The following TUBGCP2 variants were observed in gnomAD, a reference collection of about 807,000 sequenced individuals.
TUBGCP2 encodes gamma-tubulin complex component 2.
A neutral mutation model predicts 92.2 loss-of-function variants in TUBGCP2; 55 were observed. That is an observed-to-expected ratio of 0.60 (90% CI 0.48 to 0.75). TUBGCP2 has a LOEUF of 0.75. Among genes scored for constraint, TUBGCP2 ranks in the 30% least tolerant of loss-of-function variants. TUBGCP2 has a pLI of 0.00. For missense variants in TUBGCP2, 1,093 were observed against 1,188.9 expected, an observed-to-expected ratio of 0.92 and a Z score of 1.19; for synonymous variants, 533 against 505.2, an observed-to-expected ratio of 1.06 and a Z score of -0.74.
chr10:133,291,262 G>A lies in TUBGCP2; in HGVS notation c.1214+1237C>T, dbSNP rs930756579. Among the ~76,000 whole-genome samples, 20 of 56,270 alleles carry A rather than the reference G, an allele frequency of 3.6e-4. 1 individual carries two copies. In the South Asian group the frequency reaches 4.4e-3, roughly 12 times the overall value. The allele number at this position is 56,270 out of a possible 152,430, so 36.9% of individuals were successfully genotyped here. On this transcript the variant is annotated intron_variant, in intron 8 of 17. Transcript: ENST00000252936. ...CCCTCCGTGTCCCCCATGTCCCTCC[G>A]TGTCCCCCATGTCCCTCCGTGTCCC...
intron 1 of TUBGCP2, 88 bp from the exon 2 acceptor site, chr10:133,303,068 G>T: frequency 1.6e-6 from 2 of 1,269,324 alleles, no homozygotes; most frequent in Non-Finnish European, 2.2e-6. Flanking sequence ...CCAATGTCAG[G>T]CTTTGACAAA....
chr10:133,301,261 T>C (rs1048633915), intron 2 of TUBGCP2, among the ~76,000 whole-genome samples: 1 of 152,168 alleles, frequency 6.6e-6, no homozygotes, highest in African/African-American at 2.4e-5. Context: ...CCTGAGTAGC[T>C]GCATTACTGG....
chr10:133,280,914 C>G (rs1846953821), intron 17 of TUBGCP2, among the ~76,000 whole-genome samples: 1 of 150,468 alleles, frequency 6.6e-6, no homozygotes, highest in Non-Finnish European at 1.5e-5. Context: ...AGGCGCTGGG[C>G]TGAGCTGGGG....
At chr10:133,280,151 G>C (rs1846930811) in intron 17 of TUBGCP2, among the ~76,000 whole-genome samples, 1 of 152,206 alleles carries the variant, frequency 6.6e-6, no homozygotes, top group Non-Finnish European at 1.5e-5. Flanking sequence ...CAGGGGTGAG[G>C]GTGAGGCACG....
intron 2 of TUBGCP2, chr10:133,301,679 A>G (rs1261557992): frequency 2.0e-5 from 3 of 146,632 alleles, no homozygotes; most frequent in African/African-American, 5.1e-5. Context: ...GCATTTCAAC[A>G]TGGTTAATAC....
chr10:133,284,067 A>C (rs896963153), intron 13 of TUBGCP2, 65 bp from the exon 14 acceptor site: 13 of 1,585,312 alleles, frequency 8.2e-6, no homozygotes, highest in African/African-American at 1.3e-5. Flanking sequence ...CCACCAAGTG[A>C]CACGGAGGAC....
In TUBGCP2 at chr10:133,279,053, C is replaced by G. The variant is rs976168705; in HGVS notation, c.*713G>C. On this transcript the variant is annotated 3_prime_UTR_variant, in exon 18 of 18. Coordinates refer to ENST00000252936, the MANE Select transcript of TUBGCP2 (RefSeq NM_006659.4). ...GTGGGAAGACAGGGCAGATGATCGC[C>G]CGAGGGGGATTGGGTGTCAGTCTGC... 1 of 152,322 alleles carries G rather than the reference C, an allele frequency of 6.6e-6. No individual in the cohort carries two copies. Among genetic ancestry groups the G allele is most frequent in the Admixed American group, 6.5e-5 (1 of 15,284 alleles). The allele number at this position is 152,322 out of a possible 1,614,324, so 9.4% of individuals were successfully genotyped here.
chr10:133,282,073 T>C, intron 16 of TUBGCP2, 150 bp downstream of exon 16: 1 of 1,295,270 alleles, frequency 7.7e-7, no homozygotes, highest in South Asian at 1.5e-5. Flanking sequence ...CTTGTGCTTG[T>C]GCTTGGAAGC....
In TUBGCP2 at chr10:133,299,438, T is replaced by A. The variant is rs1327553248; in HGVS notation, c.445A>T (p.Thr149Ser). 1.2e-6 allele frequency: 2 copies of A among 1,604,206 alleles called. No individual in the cohort carries two copies. Among genetic ancestry groups the A allele is most frequent in the South Asian group, 2.2e-5 (2 of 90,748 alleles). The change falls in exon 4 of 18, where the codon ACG (threonine) becomes TCG (serine). Residue 149 changes from threonine to serine, a missense_variant. Thr to Ser is a moderately conservative substitution (Grantham distance 58). Coordinates refer to ENST00000252936, the MANE Select transcript of TUBGCP2 (RefSeq NM_006659.4). ...CATGGACGCAGTACCTGCTGCAGCG[T>A]GGAGCCTGTGGCCACGCTGCCAAGC... is the stretch of plus-strand genomic sequence containing the variant. ...KQLGSVATGSTLQQSLELKRK... is the reference protein window; with the variant it reads ...KQLGSVATGSSLQQSLELKRK...
chr10:133,305,011 G>C (rs2136142139), intron 1 of TUBGCP2, among the ~76,000 whole-genome samples: 1 of 152,104 alleles, frequency 6.6e-6, no homozygotes, highest in East Asian at 1.9e-4. Context: ...TAGCAGACCG[G>C]GAAAGGGAGT....
At position 133,292,654 on chromosome 10, in the gene TUBGCP2, C is replaced by T. The variant is rs553591364; in HGVS notation, c.1059G>A (p.Gly353=). 35 of 1,613,962 alleles carry T rather than the reference C, an allele frequency of 2.2e-5. No homozygotes were observed. In the African/African-American group the frequency reaches 2.7e-4, roughly 12 times the overall value. Residue 353 remains glycine (G), a synonymous_variant, in exon 8 of 18, where the codon GGG becomes GGA. Transcript: ENST00000252936. ...TGTCGTGGAGCAGGCTCAGCGTGGA[C>T]CCCCCAAGACATTCGCCTTTGTCCA... ...TSVDKGECLG[G]STLSLLHDRS... is the part of the protein sequence containing the mutation.
At chr10:133,294,749 G>T (rs1003337112) in intron 5 of TUBGCP2, among the ~76,000 whole-genome samples, 1 of 152,058 alleles carries the variant, frequency 6.6e-6, no homozygotes. Context: ...CCTCGGAGCT[G>T]GGACCACTGG....
chr10:133,287,752 A>C (rs967396860), intron 11 of TUBGCP2, among the ~76,000 whole-genome samples: 11 of 152,066 alleles, frequency 7.2e-5, no homozygotes, highest in African/African-American at 2.7e-4. Flanking sequence ...AAAAAAAAAA[A>C]CAAAAAACAA....
intron 6 of TUBGCP2, 124 bp from the exon 7 acceptor site, chr10:133,293,362 G>T: frequency 1.6e-6 from 2 of 1,283,872 alleles, no homozygotes; most frequent in Non-Finnish European, 2.2e-6. Flanking sequence ...TCCCAGAGGG[G>T]AACTTTTGCC....
At chr10:133,290,127 C>T in intron 8 of TUBGCP2, 158 bp from the exon 9 acceptor site, 1 of 1,072,340 alleles carries the variant, frequency 9.3e-7, no homozygotes, top group Non-Finnish European at 1.3e-6. Context: ...AGTTACTTCT[C>T]AACTGTGGGC....
intron 6 of TUBGCP2, 62 bp downstream of exon 6, chr10:133,293,500 G>A (rs1317360873): frequency 4.8e-5 from 73 of 1,515,244 alleles, no homozygotes; most frequent in Non-Finnish European, 1.8e-6. Context: ...TGGTCATCAG[G>A]ATGGGACCTA....
rs539428925 is a variant in TUBGCP2, at chr10:133,302,562, G to A, written c.150+230C>T. 1.8e-4 allele frequency: 94 copies of A among 532,914 alleles called. 1 individual carries two copies. The Middle Eastern group carries it at 3.6e-3, about 20-fold the overall frequency. The allele number at this position is 532,914 out of a possible 1,614,324, so 33.0% of individuals were successfully genotyped here. A position where few individuals can be genotyped will look rare whatever the true frequency, so the allele number is the denominator to read the frequency against. ...GCTCATCCTGCACATGGACTGAGGG[G>A]TGGGTTCACCCTGCACCATCCTGAT... On this transcript the variant is annotated intron_variant, in intron 2 of 17. Transcript: ENST00000252936.
At chr10:133,310,216 G>A (rs1311250922), upstream of TUBGCP2, 7 of 1,613,938 alleles carry the variant, frequency 4.3e-6, no homozygotes, top group African/African-American at 2.7e-5. Context: ...AGCAGAGACC[G>A]GAAGGATCAC....
chr10:133,308,501 G>A (rs1461666220), intron 1 of TUBGCP2: 1 of 153,828 alleles, frequency 6.5e-6, no homozygotes, highest in Non-Finnish European at 1.4e-5. Flanking sequence ...GAGACGACAG[G>A]CGGGGCAAGG....
Sources: gnomAD v4.1 joint callset for allele counts (sites outside exome capture counted in the v4.1 genomes callset) on GRCh38, gnomAD v4.1.1 for gene constraint, MANE v1.5 for transcripts, NCBI Gene and HGNC (gene_info 2026-07-23, HGNC 2026-07-21) for gene names.